Variants in FBXL20 observed in about 807,000 individuals in gnomAD.
FBXL20 encodes F-box and leucine rich repeat protein 20.
FBXL20 carries 11 observed loss-of-function variants against 64.0 expected under a neutral mutation model. The observed-to-expected ratio is 0.17, with a 90% CI of 0.11 to 0.28. FBXL20 has a LOEUF of 0.28. Ranked by LOEUF, FBXL20 falls within the 10% of genes least tolerant of loss-of-function variation. FBXL20 has a pLI of 1.00. For synonymous variants in FBXL20, 184 were observed against 189.0 expected (o/e 0.97, Z 0.22); for missense variants, 303 against 526.2 (o/e 0.58, Z 4.15).
intron 6 of FBXL20, among the ~76,000 whole-genome samples, chr17:39,296,410 A>C (rs1597782358): frequency 6.6e-6 from 1 of 151,912 alleles, no homozygotes; most frequent in Non-Finnish European, 1.5e-5. Context: ...AATACAAAAA[A>C]TAAGCCGGGC....
chr17:39,402,462 A>G, upstream of FBXL20: 1 of 329,814 alleles, frequency 3.0e-6, no homozygotes, highest in Non-Finnish European at 5.5e-6. Context: ...ATGGCTGCGG[A>G]GCTGCACCTG....
chr17:39,400,247 T>C (rs2048228359), intron 1 of FBXL20, among the ~76,000 whole-genome samples: 1 of 152,238 alleles, frequency 6.6e-6, no homozygotes, highest in Admixed American at 6.5e-5. Context: ...TTGATCTTCG[T>C]GGATCAATTC....
chr17:39,277,749 C>G (rs1176239575), intron 9 of FBXL20, among the ~76,000 whole-genome samples: 1 of 102,746 alleles, frequency 9.7e-6, no homozygotes, highest in Non-Finnish European at 2.1e-5. Flanking sequence ...AGCAAAACTC[C>G]GTCTCAAAAA....
At chr17:39,388,117 G>C (rs1391047651) in intron 1 of FBXL20, among the ~76,000 whole-genome samples, 2 of 152,064 alleles carry the variant, frequency 1.3e-5, no homozygotes, top group Non-Finnish European at 2.9e-5. Context: ...TAATATAAAT[G>C]CTTGAGAAAA....
chr17:39,318,498 T>C (rs901909805), intron 2 of FBXL20, among the ~76,000 whole-genome samples: 10 of 152,088 alleles, frequency 6.6e-5, no homozygotes, highest in African/African-American at 2.4e-4. Context: ...CCCAGCACTT[T>C]GGGAGGCCAA....
chr17:39,297,676 A>G (rs576657833), intron 5 of FBXL20, among the ~76,000 whole-genome samples: 23 of 151,940 alleles, frequency 1.5e-4, no homozygotes, highest in Admixed American at 9.2e-4. Context: ...ACACCTCTTC[A>G]TATTCCTTCT....
chr17:39,261,552 T>C lies in FBXL20; in HGVS notation c.1219A>G (p.Ile407Val). 1 of 1,613,266 alleles carries C rather than the reference T, an allele frequency of 6.2e-7. No homozygotes were observed. The highest frequency in any genetic ancestry group is 8.5e-7 in the Non-Finnish European group (1 of 1,179,364). Residue 407 changes from isoleucine (I) to valine (V), a missense_variant, in exon 15 of 15, where the codon ATT becomes GTT. Coordinates refer to ENST00000264658, the MANE Select transcript of FBXL20 (RefSeq NM_032875.3). ...IKRLRTHLPNIKVHAYFAPVT... is the reference protein window; with the variant it reads ...IKRLRTHLPNVKVHAYFAPVT... ...GGTGCGAAGTAGGCGTGGACTTTAA[T>C]ATTGGGTAAATGGGTCTGAAACAAG... is the stretch of plus-strand genomic sequence containing the variant.
At chr17:39,329,871 G>A (rs964377886) in intron 2 of FBXL20, among the ~76,000 whole-genome samples, 1 of 152,156 alleles carries the variant, frequency 6.6e-6, no homozygotes, top group Non-Finnish European at 1.5e-5. Context: ...GATGGCACAT[G>A]CCTGTAGCCC....
At chr17:39,379,095 G>C (rs1451681253) in intron 1 of FBXL20, among the ~76,000 whole-genome samples, 2 of 150,040 alleles carry the variant, frequency 1.3e-5, no homozygotes, top group Non-Finnish European at 3.0e-5. Flanking sequence ...GGGTGGTGGC[G>C]CATGCCTATA....
chr17:39,386,729 T>C (rs2048084811), intron 1 of FBXL20, among the ~76,000 whole-genome samples: 1 of 152,198 alleles, frequency 6.6e-6, no homozygotes. Flanking sequence ...AAGTACTATG[T>C]GACTGGTTAG....
chr17:39,327,528 G>A (rs1188828318), intron 2 of FBXL20, among the ~76,000 whole-genome samples: 1 of 151,934 alleles, frequency 6.6e-6, no homozygotes, highest in Middle Eastern at 3.2e-3. Flanking sequence ...TATGTAACAG[G>A]ATTATCATAG....
intron 6 of FBXL20, among the ~76,000 whole-genome samples, chr17:39,294,137 T>C (rs2047064297): frequency 6.6e-6 from 1 of 151,882 alleles, no homozygotes; most frequent in African/African-American, 2.4e-5. Context: ...AGGAGAAGTC[T>C]ACTTGGATTT....
chr17:39,295,788 T>G (rs972756421), intron 6 of FBXL20, among the ~76,000 whole-genome samples: 17 of 148,686 alleles, frequency 1.1e-4, no homozygotes, highest in African/African-American at 3.7e-4. Flanking sequence ...TATGGAGATA[T>G]ATATATATAT....
chr17:39,379,631 A>T (rs1162353262), intron 1 of FBXL20, among the ~76,000 whole-genome samples: 1 of 151,706 alleles, frequency 6.6e-6, no homozygotes, highest in African/African-American at 2.4e-5. Context: ...AATAAAAAAA[A>T]TTAGCTGGGC....
At chr17:39,319,673 CAAAAAAAAAA>C (rs71300077) in intron 2 of FBXL20, among the ~76,000 whole-genome samples, 2 of 47,310 alleles carry the variant, frequency 4.2e-5, no homozygotes, top group African/African-American at 7.7e-5. Context: ...GACTCCATAT[CAAAAAAAAAA>C]AAAAAAAAAA....
chr17:39,282,641 C>T (rs1477873715), intron 8 of FBXL20, 88 bp downstream of exon 8: 10 of 1,560,296 alleles, frequency 6.4e-6, no homozygotes, highest in Non-Finnish European at 8.8e-6. Context: ...ACCTTTCCCT[C>T]CAGACAAACA....
At chr17:39,377,875 T>C (rs1253389010) in intron 1 of FBXL20, among the ~76,000 whole-genome samples, 1 of 152,170 alleles carries the variant, frequency 6.6e-6, no homozygotes, top group Non-Finnish European at 1.5e-5. Flanking sequence ...AGTTACAGCA[T>C]GCTGGCACAT....
chr17:39,345,344 T>A (rs1034629689), intron 1 of FBXL20, among the ~76,000 whole-genome samples: 70 of 151,848 alleles, frequency 4.6e-4, no homozygotes, highest in African/African-American at 1.7e-3. Context: ...CTACCCGGAG[T>A]TGTATCTAAA....
At chr17:39,361,463 C>T (rs2047792939) in intron 1 of FBXL20, among the ~76,000 whole-genome samples, 1 of 152,190 alleles carries the variant, frequency 6.6e-6, no homozygotes, top group Non-Finnish European at 1.5e-5. Context: ...AAAACTTCCT[C>T]ATCTTCTGTC....
Sources: allele counts gnomAD v4.1 joint callset (sites outside exome capture counted in the v4.1 genomes callset), GRCh38; gene constraint gnomAD v4.1.1; transcripts MANE v1.5; gene names NCBI Gene and HGNC (gene_info 2026-07-23, HGNC 2026-07-21).